TAF5L: variants seen among roughly 807,000 people sequenced by gnomAD.
TAF5L encodes TAF5-like RNA polymerase II p300/CBP-associated factor-associated factor 65 kDa subunit 5L.
Under a neutral mutation model 51.3 loss-of-function variants are expected in TAF5L, and 7 were observed. The observed-to-expected ratio is 0.14, with a 90% CI of 0.08 to 0.26. The LOEUF (loss-of-function observed/expected upper bound fraction) is 0.26, where lower values mean the gene tolerates loss of function less well. Ranked by LOEUF, TAF5L falls within the 10% of genes least tolerant of loss-of-function variation. The probability of loss-of-function intolerance (pLI) is 1.00; values close to 1 mark genes in which losing one functional copy is unlikely to be tolerated. For synonymous variants in TAF5L, 291 were observed against 308.1 expected, an observed-to-expected ratio of 0.94 and a Z score of 0.58; for missense variants, 575 against 758.9, an observed-to-expected ratio of 0.76 and a Z score of 2.85.
intron 3 of TAF5L, chr1:229,607,892 A>T (rs1664651581): frequency 6.6e-6 from 1 of 152,216 alleles, no homozygotes; most frequent in Admixed American, 6.5e-5. Context: ...AATATATATT[A>T]ACCCCTTTAA....
chr1:229,619,300 T>C (rs1362754653), intron 1 of TAF5L, among the ~76,000 whole-genome samples: 1 of 152,238 alleles, frequency 6.6e-6, no homozygotes, highest in Non-Finnish European at 1.5e-5. Context: ...ATACCTCATA[T>C]AATTTAAAAA....
chr1:229,606,337 C>G (rs370374307), intron 3 of TAF5L: 6 of 906,682 alleles, frequency 6.6e-6, no homozygotes, highest in Non-Finnish European at 5.3e-6. Context: ...TTTTTTCTAA[C>G]TGCAAAAGTA....
Position 229,597,157 on chromosome 1 carries a change from T to G in TAF5L, c.973-2063A>C, listed in dbSNP as rs569156623. Among the ~76,000 whole-genome samples the G allele has an allele frequency of 5.3e-5, 8 of 152,350 alleles. 1 individual carries two copies. The South Asian group carries it at 1.0e-3, about 20-fold the overall frequency. ...TACACCAGAAAGTTTATATAAAGAC[T>G]GTGGGAACAAAAATGACACCAGATG... On this transcript the variant is annotated intron_variant, in intron 4 of 4. Transcript: ENST00000258281.
rs1467665075 is a variant in TAF5L, at chr1:229,594,693, C to T, written c.1374G>A (p.Gly458=). 1.5e-5 allele frequency: 24 copies of T among 1,614,090 alleles called. No homozygotes were observed. Among genetic ancestry groups the T allele is most frequent in the Non-Finnish European group, 1.9e-5 (22 of 1,180,056 alleles). The stretch of plus-strand genomic sequence containing the variant: ...GGCCTGTGAAAAGCCTCACCGAGTT[C>T]CCCTGCTGAGCGCTCCACAGCCGGA... The change falls in exon 5 of 5, where the codon GGG becomes GGA. Residue 458 remains glycine (G), a synonymous_variant. Coordinates refer to ENST00000258281, the Ensembl canonical transcript of TAF5L. The surrounding 1 kb of genome is among the most constrained non-coding windows in gnomAD (Gnocchi z 7.9).
Position 229,602,976 on chromosome 1 carries a change from ATCCCTCCT to A in TAF5L, c.248-65_248-58del. On this transcript the variant is annotated intron_variant, in intron 3 of 4. Coordinates refer to ENST00000258281, the Ensembl canonical transcript of TAF5L. This position sits in a 1 kb window ranked among gnomAD's most constrained non-coding sequence, Gnocchi z 4.6. The stretch of plus-strand genomic sequence containing the variant: ...CAGCATAATCTTACAGAATAACGTG[ATCCCTCCT>A]GGGGATCACCACCATCATATAATGC... 1.3e-6 allele frequency: 2 copies of A among 1,515,518 alleles called. No homozygotes were observed. The highest frequency in any genetic ancestry group is 1.7e-6 in the Non-Finnish European group (2 of 1,143,278). The allele number at this position is 1,515,518 out of a possible 1,614,324, so 93.9% of individuals were successfully genotyped here.
intron 3 of TAF5L, among the ~76,000 whole-genome samples, chr1:229,605,320 T>C (rs989579460): frequency 2.0e-5 from 3 of 152,198 alleles, no homozygotes; most frequent in Admixed American, 2.0e-4. Context: ...CGTATCAAAA[T>C]TATGGAATAT....
rs776006875 is a variant in TAF5L, at chr1:229,602,086, T to C, written c.972+109A>G. ...CATGTCATTAGTCTGGCTTTAGCTA[T>C]ATGATGAGGGAAACTAGGAAGTCCA... On this transcript the variant is annotated intron_variant, in intron 4 of 4. Coordinates refer to ENST00000258281, the Ensembl canonical transcript of TAF5L. The surrounding 1 kb of genome is among the most constrained non-coding windows in gnomAD (Gnocchi z 4.6). 6.6e-6 allele frequency: 10 copies of C among 1,520,730 alleles called. No homozygotes were observed. Among genetic ancestry groups the C allele is most frequent in the Non-Finnish European group, 8.8e-6 (10 of 1,135,706 alleles). The allele number at this position is 1,520,730 out of a possible 1,614,324, so 94.2% of individuals were successfully genotyped here.
At position 229,602,778 on chromosome 1, in the gene TAF5L, T is replaced by A. The variant is rs768616155; in HGVS notation, c.389A>T (p.Asn130Ile). The A allele has an allele frequency of 1.2e-6, 2 of 1,614,150 alleles. No individual in the cohort carries two copies. The highest frequency in any genetic ancestry group is 3.3e-5 in the Admixed American group (2 of 60,012). The change falls in exon 4 of 5, where the codon AAT becomes ATT. Residue 130 changes from asparagine (N) to isoleucine (I), a missense_variant. Physicochemically the swap from Asn to Ile is moderately radical, Grantham distance 149. Coordinates refer to ENST00000258281, the Ensembl canonical transcript of TAF5L. The surrounding 1 kb of genome is among the most constrained non-coding windows in gnomAD (Gnocchi z 4.6). Reference sequence around the variant, plus strand: ...CTCAATGACATCCTTCTGGCTAGCATTCTGCAGAAACATTCCATGGAAGCG... The same window carrying A: ...CTCAATGACATCCTTCTGGCTAGCAATCTGCAGAAACATTCCATGGAAGCG...
At chr1:229,600,689 C>T (rs1394368522) in intron 4 of TAF5L, 13 of 985,338 alleles carry the variant, frequency 1.3e-5, no homozygotes, top group Non-Finnish European at 1.6e-5. Context: ...TCCTGGAATT[C>T]CGCATGCGGT....
intron 1 of TAF5L, among the ~76,000 whole-genome samples, chr1:229,615,615 A>G (rs993851246): frequency 1.3e-5 from 2 of 151,782 alleles, no homozygotes; most frequent in African/African-American, 4.9e-5. Flanking sequence ...AAAAGGGAAA[A>G]AGAAAAAAAA....
At position 229,625,292 on chromosome 1, in the gene TAF5L, C is replaced by T. The variant is rs1665401618; in HGVS notation, c.-4+593G>A. ...CGTCCCACACCATGGGCGCACCAAC[C>T]TTACCTTGCTGTCATGAGGCAACGA... On this transcript the variant is annotated intron_variant, in intron 1 of 4. Coordinates refer to ENST00000258281, the Ensembl canonical transcript of TAF5L. This position sits in a 1 kb window ranked among gnomAD's most constrained non-coding sequence, Gnocchi z 4.0. 6.6e-6 allele frequency among the ~76,000 whole-genome samples: 1 copy of T among 152,176 alleles called. No individual in the cohort carries two copies. The highest frequency in any genetic ancestry group is 1.5e-5 in the Non-Finnish European group (1 of 68,022).
In TAF5L at chr1:229,594,850, C is replaced by T. The variant is rs371365036; in HGVS notation, c.1217G>A (p.Arg406His). The stretch of plus-strand genomic sequence containing the variant: ...ATCAAATGACCACAGCCTGGCGGTG[C>T]GGTCGTGGGACCCGCTGGCGAAGTA... Residue 406 changes from arginine to histidine, a missense_variant, in exon 5 of 5, where the codon CGC (arginine) becomes CAC (histidine). Arg to His is a conservative substitution (Grantham distance 29). Coordinates refer to ENST00000258281, the Ensembl canonical transcript of TAF5L. The surrounding 1 kb of genome is among the most constrained non-coding windows in gnomAD (Gnocchi z 7.9). 34 of 1,614,218 alleles carry T rather than the reference C, an allele frequency of 2.1e-5. No individual in the cohort carries two copies. In the Middle Eastern group the frequency reaches 6.6e-4, roughly 31 times the overall value.
chr1:229,622,577 TAAAAAATAAAA>T (rs1665253567), intron 1 of TAF5L, among the ~76,000 whole-genome samples: 1 of 152,126 alleles, frequency 6.6e-6, no homozygotes, highest in South Asian at 2.1e-4. Context: ...TTTATCTTAA[TAAAAAATAAAA>T]GTAAAATAAA....
chr1:229,596,630 A>G (rs1664138832), intron 4 of TAF5L, among the ~76,000 whole-genome samples: 1 of 152,206 alleles, frequency 6.6e-6, no homozygotes, highest in Non-Finnish European at 1.5e-5. Flanking sequence ...GGTACTCAGA[A>G]AGAGTCCTCT....
intron 3 of TAF5L, among the ~76,000 whole-genome samples, chr1:229,605,598 GT>G (rs1414860396): frequency 7.2e-6 from 1 of 139,250 alleles, no homozygotes; most frequent in African/African-American, 2.7e-5. Context: ...TATTTTAAAT[GT>G]TTCTGTGAAG....
intron 4 of TAF5L, among the ~76,000 whole-genome samples, chr1:229,596,667 C>A (rs1477108755): frequency 6.6e-6 from 1 of 152,190 alleles, no homozygotes; most frequent in Non-Finnish European, 1.5e-5. Flanking sequence ...CACAAGTATA[C>A]CATCTGTTTT....
Position 229,602,457 on chromosome 1 carries a change from G to C in TAF5L, c.710C>G (p.Ala237Gly). The stretch of plus-strand genomic sequence containing the variant: ...GCTCTCCTGTAAGACCTCTAGGGCA[G>C]CCTCGTTCTGCAGAATAGGGCTGGG... The change falls in exon 4 of 5, where the codon GCT (alanine) becomes GGT (glycine). Residue 237 changes from alanine (A) to glycine (G), a missense_variant. Around this residue, in one of 3 missense-constraint regions of TAF5L, gnomAD observed 380 missense variants for 443.7 expected, o/e 0.86. Transcript: ENST00000258281. This position sits in a 1 kb window ranked among gnomAD's most constrained non-coding sequence, Gnocchi z 4.6. 1 of 1,614,126 alleles carries C rather than the reference G, an allele frequency of 6.2e-7. No individual in the cohort carries two copies. Among genetic ancestry groups the C allele is most frequent in the Non-Finnish European group, 8.5e-7 (1 of 1,179,992 alleles).
chr1:229,617,958 T>C (rs1665067806), intron 1 of TAF5L, among the ~76,000 whole-genome samples: 1 of 152,234 alleles, frequency 6.6e-6, no homozygotes, highest in South Asian at 2.1e-4. Flanking sequence ...AATGACTCTC[T>C]TGCATAACCA....
At chr1:229,615,848 G>A (rs1664960501) in intron 1 of TAF5L, among the ~76,000 whole-genome samples, 1 of 152,116 alleles carries the variant, frequency 6.6e-6, no homozygotes. Context: ...TTTCATGTAC[G>A]CATACACACA....
Sources: gnomAD v4.1 joint callset for allele counts (sites outside exome capture counted in the v4.1 genomes callset) on GRCh38, gnomAD v4.1.1 for gene constraint, gnomAD v4.1.1 regional missense constraint, Gnocchi (gnomAD v3.1) non-coding constraint, MANE v1.5 for transcripts, NCBI Gene and HGNC (gene_info 2026-07-23, HGNC 2026-07-21) for gene names.